Variants in LHX6 observed in about 807,000 individuals in gnomAD.
The protein encoded by LHX6 is LIM homeobox 6.
A neutral mutation model predicts 47.1 loss-of-function variants in LHX6; 15 were observed. The observed-to-expected ratio is 0.32, with a 90% CI of 0.21 to 0.49. LHX6 has a LOEUF of 0.49. Ranked by LOEUF, LHX6 falls within the 20% of genes least tolerant of loss-of-function variation. LHX6 has a pLI of 0.99. For missense variants in LHX6, 404 were observed against 539.6 expected (o/e 0.75, Z 2.49); for synonymous variants, 242 against 233.5 (o/e 1.04, Z -0.33).
chr9:122,218,967 C>T (rs921264683), intron 4 of LHX6, among the ~76,000 whole-genome samples: 2 of 152,206 alleles, frequency 1.3e-5, no homozygotes, highest in Non-Finnish European at 2.9e-5. Context: ...TCTTCCACCC[C>T]TTCCACCTTC....
intron 1 of LHX6, chr9:122,228,310 C>A: frequency 6.5e-6 from 10 of 1,534,846 alleles, no homozygotes; most frequent in Non-Finnish European, 8.7e-6. Flanking sequence ...CGGGTACCGG[C>A]CCCGCGTCGG....
chr9:122,228,494 C>CA (rs113188211), intron 1 of LHX6, 163 bp downstream of exon 1: 3 of 1,397,526 alleles, frequency 2.1e-6, no homozygotes, highest in African/African-American at 1.6e-5. Flanking sequence ...CGACCCCCCC[C>CA]CCCCGCTCGC....
intron 1 of LHX6, chr9:122,228,105 C>G: frequency 1.3e-5 from 7 of 530,446 alleles, no homozygotes; most frequent in East Asian, 1.1e-4. Flanking sequence ...GCGGTGAGCA[C>G]CCGCCCGCCC....
At chr9:122,222,541 C>A (rs1830909831) in intron 4 of LHX6, among the ~76,000 whole-genome samples, 1 of 152,168 alleles carries the variant, frequency 6.6e-6, no homozygotes, top group African/African-American at 2.4e-5. Context: ...AGTGGCCTGG[C>A]CAAGGACACG....
Position 122,204,659 on chromosome 9 carries a change from C to A in LHX6, c.*101G>T. On this transcript the variant is annotated 3_prime_UTR_variant, in exon 10 of 10. Coordinates refer to ENST00000394319, the MANE Select transcript of LHX6 (RefSeq NM_014368.5). ...GCAGGATGGCGGACGGGGGTGGATG[C>A]GGAGGTGGGTGGACTCCTGGCCGCA... The A allele has an allele frequency of 2.8e-6, 4 of 1,423,148 alleles. No individual in the cohort carries two copies. The highest frequency in any genetic ancestry group is 3.8e-6 in the Non-Finnish European group (4 of 1,039,358). The allele number at this position is 1,423,148 out of a possible 1,614,324, so 88.2% of individuals were successfully genotyped here. A position where few individuals can be genotyped will look rare whatever the true frequency, so the allele number is the denominator to read the frequency against.
intron 8 of LHX6, among the ~76,000 whole-genome samples, chr9:122,212,075 A>AC (rs1214200011): frequency 3.9e-5 from 6 of 152,080 alleles, no homozygotes; most frequent in African/African-American, 9.7e-5. Context: ...AACCACTCCC[A>AC]CCATCACAAG....
In LHX6 at chr9:122,217,109, T is replaced by C; in HGVS notation, c.641A>G (p.Tyr214Cys). The change falls in exon 5 of 10, where the codon TAC becomes TGC. Residue 214 changes from tyrosine (Y) to cysteine (C), a missense_variant. Physicochemically the swap from Tyr to Cys is radical, Grantham distance 194. Around this residue, in one of 7 missense-constraint regions of LHX6, gnomAD observed 43 missense variants for 84.7 expected, o/e 0.51. Transcript: ENST00000394319. The surrounding 1 kb of genome is among the most constrained non-coding windows in gnomAD (Gnocchi z 4.9). Reference protein sequence around the residue: ...VEEKVLCRIHYDTMIENLKRA... With the variant: ...VEEKVLCRIHCDTMIENLKRA... ...CTTGAGGTTCTCAATCATGGTGTCG[T>C]AGTGGATGCGGCAGAGCACCTTCTC... 1 of 1,614,060 alleles carries C rather than the reference T, an allele frequency of 6.2e-7. No homozygotes were observed. Among genetic ancestry groups the C allele is most frequent in the Non-Finnish European group, 8.5e-7 (1 of 1,179,984 alleles).
chr9:122,226,294 G>C lies in LHX6; in HGVS notation c.461+82C>G. 6.6e-7 allele frequency: 1 copy of C among 1,515,316 alleles called. No homozygotes were observed. 93.9% of individuals were successfully genotyped at this position (1,515,316 alleles called of 1,614,324 possible). On this transcript the variant is annotated intron_variant, in intron 4 of 9. Coordinates refer to ENST00000394319, the MANE Select transcript of LHX6 (RefSeq NM_014368.5). This position sits in a 1 kb window ranked among gnomAD's most constrained non-coding sequence, Gnocchi z 6.5. ...CGGGACGCCGGGGTTCTGGAGGAGA[G>C]ACCACACGCCGCAAAAGTGGCCTCC...
intron 4 of LHX6, among the ~76,000 whole-genome samples, chr9:122,225,621 C>G (rs1831061702): frequency 6.6e-6 from 1 of 152,256 alleles, no homozygotes. Context: ...TCCTGGCGGC[C>G]TAAAGGCAAG....
At chr9:122,209,303 G>T (rs992794471) in intron 9 of LHX6, among the ~76,000 whole-genome samples, 1 of 152,260 alleles carries the variant, frequency 6.6e-6, no homozygotes, top group African/African-American at 2.4e-5. Flanking sequence ...GGGAAGTGGG[G>T]TGATGAGTGA....
In LHX6 at chr9:122,204,661, G is replaced by T; in HGVS notation, c.*99C>A. The T allele has an allele frequency of 6.9e-7, 1 of 1,445,582 alleles. No homozygotes were observed. Among genetic ancestry groups the T allele is most frequent in the South Asian group, 1.3e-5 (1 of 77,940 alleles). The allele number at this position is 1,445,582 out of a possible 1,614,324, so 89.5% of individuals were successfully genotyped here. A position where few individuals can be genotyped will look rare whatever the true frequency, so the allele number is the denominator to read the frequency against. Reference sequence around the variant, plus strand: ...AGGATGGCGGACGGGGGTGGATGCGGAGGTGGGTGGACTCCTGGCCGCAGC... The same window carrying T: ...AGGATGGCGGACGGGGGTGGATGCGTAGGTGGGTGGACTCCTGGCCGCAGC... On this transcript the variant is annotated 3_prime_UTR_variant, in exon 10 of 10. Transcript: ENST00000394319.
Position 122,213,486 on chromosome 9 carries a change from T to A in LHX6, c.1054+120A>T. ...GATCCAAATGACTTCGGGTCCCGCT[T>A]CTTCACCCACGAGGCTCCCCAAGGC... On this transcript the variant is annotated intron_variant, in intron 8 of 9. Coordinates refer to ENST00000394319, the MANE Select transcript of LHX6 (RefSeq NM_014368.5). This position sits in a 1 kb window ranked among gnomAD's most constrained non-coding sequence, Gnocchi z 5.5. The A allele has an allele frequency of 1.1e-6, 1 of 898,550 alleles. No homozygotes were observed. The highest frequency in any genetic ancestry group is 1.8e-5 in the South Asian group (1 of 56,266). The allele number at this position is 898,550 out of a possible 1,614,324, so 55.7% of individuals were successfully genotyped here. A position where few individuals can be genotyped will look rare whatever the true frequency, so the allele number is the denominator to read the frequency against.
At chr9:122,221,025 A>G in intron 4 of LHX6, 1 of 938,374 alleles carries the variant, frequency 1.1e-6, no homozygotes. Context: ...CAAACCTCAG[A>G]GTGGAAACGC....
rs1308187579 is a variant in LHX6 at position 122,213,335 on chromosome 9, G to A, written c.1054+271C>T. Reference sequence around the variant, plus strand: ...CAGCCTGTTCTCTCCCCAGTCTCCGGGCACTGGCACATTGTGGGTGCTTTG... The same window carrying A: ...CAGCCTGTTCTCTCCCCAGTCTCCGAGCACTGGCACATTGTGGGTGCTTTG... On this transcript the variant is annotated intron_variant, in intron 8 of 9. Transcript: ENST00000394319. The surrounding 1 kb of genome is among the most constrained non-coding windows in gnomAD (Gnocchi z 5.5). Among the ~76,000 whole-genome samples the A allele has an allele frequency of 6.6e-6, 1 of 152,096 alleles. No homozygotes were observed. Among genetic ancestry groups the A allele is most frequent in the East Asian group, 1.9e-4 (1 of 5,170 alleles).
chr9:122,225,907 A>C (rs1451140061), intron 4 of LHX6, among the ~76,000 whole-genome samples: 2 of 152,216 alleles, frequency 1.3e-5, no homozygotes, highest in Non-Finnish European at 2.9e-5. Context: ...CAAGAGTCCG[A>C]AGCCCAGCTC....
chr9:122,219,010 G>A (rs1037598843), intron 4 of LHX6, among the ~76,000 whole-genome samples: 10 of 152,108 alleles, frequency 6.6e-5, no homozygotes, highest in Admixed American at 1.3e-4. Context: ...GGGTGTGGGG[G>A]ACCAAGAAGA....
chr9:122,221,078 A>G, intron 4 of LHX6: 1 of 985,340 alleles, frequency 1.0e-6, no homozygotes, highest in Non-Finnish European at 1.2e-6. Flanking sequence ...GCCGAAACTC[A>G]AACGGAGGTT....
Position 122,204,547 on chromosome 9 carries a change from A to G in LHX6, c.*213T>C. The G allele has an allele frequency of 4.5e-6, 2 of 441,076 alleles. No homozygotes were observed. Among genetic ancestry groups the G allele is most frequent in the South Asian group, 6.5e-5 (1 of 15,302 alleles). 27.3% of individuals were successfully genotyped at this position (441,076 alleles called of 1,614,324 possible). ...AGATTTCAGGGAGTTCTGCCTTCCA[A>G]GAGGAGGACTCTGTGGTGCTCCTGG... On this transcript the variant is annotated 3_prime_UTR_variant, in exon 10 of 10. Coordinates refer to ENST00000394319, the MANE Select transcript of LHX6 (RefSeq NM_014368.5).
chr9:122,227,128 A>G, intron 2 of LHX6, 98 bp from the exon 3 acceptor site: 2 of 1,143,306 alleles, frequency 1.7e-6, no homozygotes. Context: ...CCAATTGACA[A>G]CGAAATCTCC....
Sources: allele counts gnomAD v4.1 joint callset (sites outside exome capture counted in the v4.1 genomes callset), GRCh38; gene constraint gnomAD v4.1.1; regional missense constraint gnomAD v4.1.1; non-coding constraint Gnocchi (gnomAD v3.1); transcripts MANE v1.5; gene names NCBI Gene and HGNC (gene_info 2026-07-23, HGNC 2026-07-21).